The following ACTR2 variants were observed in gnomAD, a reference collection of about 807,000 sequenced individuals.
The protein encoded by ACTR2 is actin-related protein 2.
Under a neutral mutation model 50.2 loss-of-function variants are expected in ACTR2, and 5 were observed. That is an observed-to-expected ratio of 0.10 (90% CI 0.05 to 0.21). The LOEUF is 0.21. Ranked by LOEUF, ACTR2 falls within the 10% of genes least tolerant of loss-of-function variation. The pLI is 1.00. For synonymous variants in ACTR2, 140 were observed against 162.9 expected, an observed-to-expected ratio of 0.86 and a Z score of 1.07; for missense variants, 180 against 480.6, an observed-to-expected ratio of 0.37 and a Z score of 5.85.
chr2:65,245,476 T>C (rs750998825), intron 2 of ACTR2, among the ~76,000 whole-genome samples: 20 of 152,190 alleles, frequency 1.3e-4, no homozygotes, highest in Non-Finnish European at 2.4e-4. Context: ...GCTGAGATCA[T>C]GCCACTGCGC....
At chr2:65,234,327 G>T (rs963214481) in intron 1 of ACTR2, among the ~76,000 whole-genome samples, 1 of 152,188 alleles carries the variant, frequency 6.6e-6, no homozygotes, top group South Asian at 2.1e-4. Context: ...GAAAACTGGT[G>T]CTGAGTTCTA....
intron 1 of ACTR2, among the ~76,000 whole-genome samples, chr2:65,235,033 T>C (rs970517838): frequency 2.0e-5 from 3 of 152,168 alleles, no homozygotes; most frequent in Admixed American, 1.3e-4. Flanking sequence ...TCATGACAGA[T>C]GTTATACAGA....
At chr2:65,228,206 G>T in intron 1 of ACTR2, 1 of 392,114 alleles carries the variant, frequency 2.6e-6, no homozygotes, top group Non-Finnish European at 4.5e-6. Context: ...ACCGGCACTG[G>T]ACATGGAGCC....
At chr2:65,253,556 A>G (rs1672093583) in intron 4 of ACTR2, among the ~76,000 whole-genome samples, 172 bp from the exon 5 acceptor site, 1 of 152,094 alleles carries the variant, frequency 6.6e-6, no homozygotes, top group African/African-American at 2.4e-5. Context: ...TTAAAAGAGA[A>G]CACTCGCTTT....
intron 2 of ACTR2, among the ~76,000 whole-genome samples, chr2:65,244,941 C>CAAA (rs35780666): frequency 1.3e-5 from 1 of 77,048 alleles, no homozygotes; most frequent in African/African-American, 4.6e-5. Flanking sequence ...GACCCCATCT[C>CAAA]AAAAAAAAAA....
At chr2:65,244,827 G>C (rs1255876522) in intron 2 of ACTR2, among the ~76,000 whole-genome samples, 1 of 151,620 alleles carries the variant, frequency 6.6e-6, no homozygotes, top group Non-Finnish European at 1.5e-5. Context: ...TGTAGTCCCA[G>C]CTACTTGGGA....
intron 8 of ACTR2, among the ~76,000 whole-genome samples, chr2:65,267,862 C>CT (rs70943640): frequency 0.015 from 704 of 47,368 alleles, 138 homozygotes; most frequent in Non-Finnish European, 0.022. Flanking sequence ...TGCAAGTCCT[C>CT]TTTTTTTTTT....
At chr2:65,262,768 G>A (rs1180064146) in intron 7 of ACTR2, among the ~76,000 whole-genome samples, 6 of 152,006 alleles carry the variant, frequency 3.9e-5, no homozygotes, top group Non-Finnish European at 7.4e-5. Context: ...ACCAGCCTGG[G>A]CAACATATGG....
intron 4 of ACTR2, among the ~76,000 whole-genome samples, chr2:65,251,350 C>G (rs927307674): frequency 6.6e-6 from 1 of 151,696 alleles, no homozygotes; most frequent in Non-Finnish European, 1.5e-5. Flanking sequence ...ATAGGATATT[C>G]TCTCTTTTAA....
intron 3 of ACTR2, among the ~76,000 whole-genome samples, chr2:65,248,885 C>T (rs898330540): frequency 9.2e-5 from 14 of 151,844 alleles, no homozygotes; most frequent in African/African-American, 3.4e-4. Context: ...TAGTGGTGCA[C>T]GCCTGTAATC....
At chr2:65,258,512 A>G (rs1672196888) in intron 6 of ACTR2, among the ~76,000 whole-genome samples, 1 of 152,096 alleles carries the variant, frequency 6.6e-6, no homozygotes, top group African/African-American at 2.4e-5. Context: ...CAGGAGTTCA[A>G]GGCTCAAGTT....
intron 2 of ACTR2, chr2:65,242,487 G>A: frequency 2.9e-6 from 1 of 347,342 alleles, no homozygotes; most frequent in South Asian, 2.3e-5. Flanking sequence ...GTCATAGCCT[G>A]TATATATATT....
chr2:65,255,327 GACTT>G (rs1286407933), intron 5 of ACTR2, among the ~76,000 whole-genome samples: 1 of 152,208 alleles, frequency 6.6e-6, no homozygotes, highest in East Asian at 1.9e-4. Context: ...TCATTTTACT[GACTT>G]ACTTATGAAT....
chr2:65,238,316 G>T (rs1480786326), intron 1 of ACTR2, among the ~76,000 whole-genome samples: 1 of 152,138 alleles, frequency 6.6e-6, no homozygotes, highest in African/African-American at 2.4e-5. Context: ...AGTACACAGA[G>T]AATGAAATTA....
At position 65,265,287 on chromosome 2, in the gene ACTR2, A is replaced by C. The variant is rs758876809; in HGVS notation, c.1014+112A>C. The C allele has an allele frequency of 2.5e-6, 3 of 1,201,278 alleles. No homozygotes were observed. The East Asian group carries it at 7.1e-5, about 28-fold the overall frequency. The allele number at this position is 1,201,278 out of a possible 1,614,324, so 74.4% of individuals were successfully genotyped here. A position where few individuals can be genotyped will look rare whatever the true frequency, so the allele number is the denominator to read the frequency against. On this transcript the variant is annotated intron_variant, in intron 8 of 8. Transcript: ENST00000260641. ...AAGACGTCTTCCAAAACAAATTCCT[A>C]CTGCAGTCAAGTGCATCCTGGAAAT... is the stretch of plus-strand genomic sequence containing the variant.
chr2:65,251,314 A>AT (rs1438251391), intron 4 of ACTR2, among the ~76,000 whole-genome samples: 1 of 149,000 alleles, frequency 6.7e-6, no homozygotes. Flanking sequence ...TAAAAAAAAA[A>AT]GGCTTAAAGA....
At position 65,253,717 on chromosome 2, in the gene ACTR2, C is replaced by G; in HGVS notation, c.449-11C>G. 1 of 1,608,172 alleles carries G rather than the reference C, an allele frequency of 6.2e-7. No individual in the cohort carries two copies. The highest frequency in any genetic ancestry group is 8.5e-7 in the Non-Finnish European group (1 of 1,177,984). On this transcript the variant is annotated splice_polypyrimidine_tract_variant and intron_variant, in intron 4 of 8. Coordinates refer to ENST00000260641, the MANE Select transcript of ACTR2 (RefSeq NM_005722.4). ...TGACTTTTTATTTAAATCCCCCTGG[C>G]TTTTATGCAGGTTTATTGACTGGTG...
intron 2 of ACTR2, chr2:65,242,770 A>C (rs962389906): frequency 2.8e-6 from 1 of 362,888 alleles, no homozygotes; most frequent in Non-Finnish European, 5.5e-6. Flanking sequence ...TTTTTCTGTG[A>C]TAGTCTAAGT....
In ACTR2 at chr2:65,227,835, G is replaced by C; in HGVS notation, c.-75G>C. On this transcript the variant is annotated 5_prime_UTR_variant, in exon 1 of 9. Coordinates refer to ENST00000260641, the MANE Select transcript of ACTR2 (RefSeq NM_005722.4). ...CGAAGGAGGGGCCGGGAAGACGCAAGAGGAAGAAGAGAAAACGGCCGGGCG... is the reference window on the plus strand; with the variant it reads ...CGAAGGAGGGGCCGGGAAGACGCAACAGGAAGAAGAGAAAACGGCCGGGCG... 1.4e-6 allele frequency: 2 copies of C among 1,465,968 alleles called. No homozygotes were observed. Among genetic ancestry groups the C allele is most frequent in the South Asian group, 2.6e-5 (2 of 77,132 alleles). The allele number at this position is 1,465,968 out of a possible 1,614,324, so 90.8% of individuals were successfully genotyped here.
Sources: gnomAD v4.1 joint callset for allele counts (sites outside exome capture counted in the v4.1 genomes callset) on GRCh38, gnomAD v4.1.1 for gene constraint, MANE v1.5 for transcripts, NCBI Gene and HGNC (gene_info 2026-07-23, HGNC 2026-07-21) for gene names.